The following GABPB1 variants were observed in gnomAD, a reference collection of about 807,000 sequenced individuals.
GABPB1 encodes the protein GA binding protein transcription factor subunit beta 1.
GABPB1 carries 15 observed loss-of-function variants against 45.9 expected under a neutral mutation model. The observed-to-expected ratio is 0.33, with a 90% CI of 0.22 to 0.50. The LOEUF is 0.50. Among genes scored for constraint, GABPB1 ranks in the 20% least tolerant of loss-of-function variants. The pLI is 0.98. For missense variants in GABPB1, 252 were observed against 457.5 expected, an observed-to-expected ratio of 0.55 and a Z score of 4.10; for synonymous variants, 143 against 154.4, an observed-to-expected ratio of 0.93 and a Z score of 0.55.
rs1292540873 is a variant in GABPB1 at position 50,277,254 on chromosome 15, ACATAT to A, written c.*1373_*1377del. 1 of 152,178 alleles carries A rather than the reference ACATAT, an allele frequency of 6.6e-6. No individual in the cohort carries two copies. The highest frequency in any genetic ancestry group is 1.5e-5 in the Non-Finnish European group (1 of 68,016). The allele number at this position is 152,178 out of a possible 1,614,324, so 9.4% of individuals were successfully genotyped here. ...TGATAAAAACATAAGTCTACAATGA[ACATAT>A]GTGAAAAAGATATTTAATTGCAAAA... On this transcript the variant is annotated 3_prime_UTR_variant, in exon 9 of 9. Transcript: ENST00000380877.
rs144252763 is a variant in GABPB1 at position 50,302,854 on chromosome 15, T to C, written c.471+75A>G. ...AGGCTACAAACAATAGTTTAAATCA[T>C]GCACAATATAAGAGATCCCTCTACT... On this transcript the variant is annotated intron_variant, in intron 4 of 8. Transcript: ENST00000380877. 905 of 969,790 alleles carry C rather than the reference T, an allele frequency of 9.3e-4. 4 individuals carry two copies. The African/African-American group carries it at 0.014, about 15-fold the overall frequency. The allele number at this position is 969,790 out of a possible 1,614,324, so 60.1% of individuals were successfully genotyped here.
intron 1 of GABPB1, chr15:50,352,315 A>C (rs530935977): frequency 6.7e-6 from 1 of 148,826 alleles, no homozygotes; most frequent in African/African-American, 2.5e-5. Flanking sequence ...ATGGGAAAAA[A>C]CACACTAAAA....
At position 50,300,436 on chromosome 15, in the gene GABPB1, G is replaced by GTTTTTTTTTT. The variant is rs1297157973; in HGVS notation, c.697+343_697+352dup. On this transcript the variant is annotated intron_variant, in intron 6 of 8. Coordinates refer to ENST00000380877, the MANE Select transcript of GABPB1 (RefSeq NM_016654.5). Reference sequence around the variant, plus strand: ...ATATTTGAATCTGCAACTGTTTTTGGTTTTTTTTTTTTTTTTTTTTTTTTG... The same window carrying GTTTTTTTTTT: ...ATATTTGAATCTGCAACTGTTTTTGGTTTTTTTTTTTTTTTTTTTTTTTTTTTTTTTTTTG... Among the ~76,000 whole-genome samples, 201 of 40,776 alleles carry GTTTTTTTTTT rather than the reference G, an allele frequency of 4.9e-3. 46 individuals carry two copies. Among genetic ancestry groups the GTTTTTTTTTT allele is most frequent in the Admixed American group, 7.1e-3 (15 of 2,116 alleles). 26.8% of individuals were successfully genotyped at this position (40,776 alleles called of 152,430 possible). A position where few individuals can be genotyped will look rare whatever the true frequency, so the allele number is the denominator to read the frequency against.
chr15:50,288,670 T>G (rs531794686), intron 7 of GABPB1, among the ~76,000 whole-genome samples: 2 of 152,272 alleles, frequency 1.3e-5, no homozygotes, highest in East Asian at 3.9e-4. Flanking sequence ...AATTCTGAGG[T>G]TTTTCTCAGC....
intron 1 of GABPB1, chr15:50,349,236 T>C (rs2048727654): frequency 6.6e-6 from 1 of 152,118 alleles, no homozygotes; most frequent in Admixed American, 6.5e-5. Context: ...CTGGACTCTA[T>C]TGGAAGGCTA....
chr15:50,345,340 G>A (rs1167335011), intron 1 of GABPB1, among the ~76,000 whole-genome samples: 1 of 152,190 alleles, frequency 6.6e-6, no homozygotes, highest in African/African-American at 2.4e-5. Flanking sequence ...AGTTAGGAAA[G>A]TAGTAGTAAA....
Position 50,277,129 on chromosome 15 carries a change from C to G in GABPB1, c.*1503G>C, listed in dbSNP as rs1223705597. 6.6e-6 allele frequency: 1 copy of G among 152,016 alleles called. No individual in the cohort carries two copies. 9.4% of individuals were successfully genotyped at this position (152,016 alleles called of 1,614,324 possible). The stretch of plus-strand genomic sequence containing the variant: ...AGAGTTAACAAATTCTCAAGAGTTA[C>G]CTCAGGAATTTTAAAGTCATGTTGT... On this transcript the variant is annotated 3_prime_UTR_variant, in exon 9 of 9. Transcript: ENST00000380877.
intron 8 of GABPB1, chr15:50,282,155 G>A: frequency 2.7e-6 from 1 of 372,920 alleles, no homozygotes; most frequent in Non-Finnish European, 5.2e-6. Context: ...AACTGTGATT[G>A]CACCACTGCA....
At chr15:50,348,043 G>GGAAAAAAA (rs1555517540) in intron 1 of GABPB1, among the ~76,000 whole-genome samples, 1 of 113,722 alleles carries the variant, frequency 8.8e-6, no homozygotes, top group South Asian at 2.7e-4. Context: ...ACTCCATCTG[G>GGAAAAAAA]AAAAAAAAAA....
At chr15:50,337,075 G>GTATATA (rs869106382) in intron 1 of GABPB1, among the ~76,000 whole-genome samples, 169 of 13,932 alleles carry the variant, frequency 0.012, 1 homozygote, top group Non-Finnish European at 0.019. Flanking sequence ...ATATGTGTGT[G>GTATATA]TATATATATA....
chr15:50,333,554 T>C (rs2141131573), intron 1 of GABPB1, among the ~76,000 whole-genome samples: 1 of 152,316 alleles, frequency 6.6e-6, no homozygotes, highest in East Asian at 1.9e-4. Context: ...TGAACACTGC[T>C]GCTTTAAATG....
chr15:50,286,462 C>T (rs1019080695), intron 7 of GABPB1, among the ~76,000 whole-genome samples: 1 of 151,804 alleles, frequency 6.6e-6, no homozygotes, highest in African/African-American at 2.4e-5. Context: ...AAATATTTAA[C>T]GAGCATATTT....
At chr15:50,352,051 C>T (rs184054169) in intron 1 of GABPB1, 47 of 152,190 alleles carry the variant, frequency 3.1e-4, no homozygotes, top group African/African-American at 1.1e-3. Context: ...TTTGCAAAGT[C>T]AGAAGAGATG....
chr15:50,348,664 C>T (rs1429768384), intron 1 of GABPB1, among the ~76,000 whole-genome samples: 1 of 151,728 alleles, frequency 6.6e-6, no homozygotes, highest in African/African-American at 2.4e-5. Flanking sequence ...GAGATCAAGA[C>T]CATCCTGACC....
intron 8 of GABPB1, among the ~76,000 whole-genome samples, 179 bp from the exon 9 acceptor site, chr15:50,278,963 T>G (rs1267185212): frequency 6.6e-6 from 1 of 152,166 alleles, no homozygotes; most frequent in Non-Finnish European, 1.5e-5. Context: ...TCCCTAATTT[T>G]GTGCTCCACA....
intron 8 of GABPB1, chr15:50,285,847 C>T: frequency 7.6e-7 from 1 of 1,315,866 alleles, no homozygotes; most frequent in Non-Finnish European, 9.6e-7. Context: ...ATCAAGATGA[C>T]AGACTGTTAT....
rs191346934 is a variant in GABPB1 at position 50,345,861 on chromosome 15, G to A, written c.-1+9124C>T. 1.5e-3 allele frequency among the ~76,000 whole-genome samples: 222 copies of A among 152,076 alleles called. 3 individuals carry two copies. Among genetic ancestry groups the A allele is most frequent in the African/African-American group, 5.2e-3 (215 of 41,488 alleles). Reference sequence around the variant, plus strand: ...CGAGTAGCTGGAACTACAGGCGCTCGCCACCACGCCCAGCTAATTTTTTTT... The same window carrying A: ...CGAGTAGCTGGAACTACAGGCGCTCACCACCACGCCCAGCTAATTTTTTTT... On this transcript the variant is annotated intron_variant, in intron 1 of 8. Transcript: ENST00000380877.
chr15:50,348,568 CTT>C (rs1483445965), intron 1 of GABPB1, among the ~76,000 whole-genome samples: 1 of 145,054 alleles, frequency 6.9e-6, no homozygotes, highest in Non-Finnish European at 1.5e-5. Flanking sequence ...TTTTTTTAAA[CTT>C]TGAAACTTTT....
chr15:50,304,050 T>C lies in GABPB1; in HGVS notation c.192A>G (p.Arg64=). ...TEVLLRAGVS[R]DARTKVDRTP... ...TTCGGTCCACTTTGGTTCTGGCATC[T>C]CTGCTCACACCAGCTCGCAGCAGTA... Residue 64 remains arginine, a synonymous_variant, in exon 3 of 9, where the codon AGA becomes AGG. Transcript: ENST00000380877. The C allele has an allele frequency of 1.9e-6, 3 of 1,613,734 alleles. No individual in the cohort carries two copies. Among genetic ancestry groups the C allele is most frequent in the Non-Finnish European group, 2.5e-6 (3 of 1,179,852 alleles).
Sources: allele counts gnomAD v4.1 joint callset (sites outside exome capture counted in the v4.1 genomes callset), GRCh38; gene constraint gnomAD v4.1.1; transcripts MANE v1.5; gene names NCBI Gene and HGNC (gene_info 2026-07-23, HGNC 2026-07-21).